APP: variants seen among roughly 807,000 people sequenced by gnomAD.
APP encodes the protein amyloid-beta precursor protein.
APP carries 31 observed loss-of-function variants against 101.4 expected under a neutral mutation model. The ratio of observed to expected loss-of-function variants is 0.31; its 90% CI spans 0.23 to 0.41. The LOEUF is 0.41. APP is among the 10% of genes least tolerant of loss of function. The probability of loss-of-function intolerance (pLI) is 1.00; values close to 1 mark genes in which losing one functional copy is unlikely to be tolerated. For missense variants in APP, 839 were observed against 1,003.7 expected (o/e 0.84, Z 2.22); for synonymous variants, 366 against 364.4 (o/e 1.00, Z -0.05).
intron 1 of APP, among the ~76,000 whole-genome samples, chr21:26,129,504 A>G (rs45628032): frequency 6.6e-6 from 1 of 152,226 alleles, no homozygotes; most frequent in Non-Finnish European, 1.5e-5. Flanking sequence ...TAGGTCTTTT[A>G]AACTATACAG....
chr21:26,001,513 CT>C (rs377616182), intron 6 of APP, among the ~76,000 whole-genome samples: 1 of 152,146 alleles, frequency 6.6e-6, no homozygotes, highest in Non-Finnish European at 1.5e-5. Context: ...TCAACAGATT[CT>C]TTTTTTCTTT....
intron 1 of APP, chr21:26,140,234 A>G (rs1401242449): frequency 6.5e-6 from 10 of 1,536,144 alleles, no homozygotes; most frequent in Non-Finnish European, 8.7e-6. Flanking sequence ...ATTGTCAATT[A>G]CATCAGCAAC....
rs1016983352 is a variant in APP, at chr21:25,916,872, G to C, written c.1688-4910C>G. On this transcript the variant is annotated intron_variant, in intron 13 of 17. Transcript: ENST00000346798. Reference sequence around the variant, plus strand: ...CAGTGGAAATATTTAACTGAGTTTAGTGGTGATAATATTTAAAATATGGCT... The same window carrying C: ...CAGTGGAAATATTTAACTGAGTTTACTGGTGATAATATTTAAAATATGGCT... Among the ~76,000 whole-genome samples the C allele has an allele frequency of 2.7e-4, 41 of 152,158 alleles. 1 individual carries two copies. The highest frequency in any genetic ancestry group is 4.4e-5 in the Non-Finnish European group (3 of 68,030).
At chr21:26,108,272 T>G (rs946485937) in intron 2 of APP, among the ~76,000 whole-genome samples, 1 of 152,262 alleles carries the variant, frequency 6.6e-6, no homozygotes, top group Non-Finnish European at 1.5e-5. Context: ...ATGATGTATT[T>G]AACAACATAT....
intron 6 of APP, among the ~76,000 whole-genome samples, chr21:26,004,679 T>C (rs1180476348): frequency 6.6e-6 from 1 of 152,184 alleles, no homozygotes; most frequent in Non-Finnish European, 1.5e-5. Flanking sequence ...ATACTTTAAG[T>C]TCTAGGGTAC....
intron 1 of APP, among the ~76,000 whole-genome samples, chr21:26,145,576 G>C (rs1306921865): frequency 6.6e-6 from 1 of 152,032 alleles, no homozygotes; most frequent in Non-Finnish European, 1.5e-5. Flanking sequence ...CCTGTCCATG[G>C]CTGGGTGTTG....
chr21:25,969,461 C>T (rs1312095985), intron 11 of APP, among the ~76,000 whole-genome samples: 1 of 151,538 alleles, frequency 6.6e-6, no homozygotes, highest in Admixed American at 6.6e-5. Context: ...AAATGAACAC[C>T]TAAAGATGGT....
chr21:26,092,806 C>A (rs1290533069), intron 2 of APP, among the ~76,000 whole-genome samples: 1 of 152,116 alleles, frequency 6.6e-6, no homozygotes, highest in Non-Finnish European at 1.5e-5. Flanking sequence ...AACCTCTGTA[C>A]CTTCCTCTCA....
chr21:26,151,971 T>C (rs1048874787), intron 1 of APP, among the ~76,000 whole-genome samples: 5 of 152,030 alleles, frequency 3.3e-5, no homozygotes, highest in East Asian at 1.9e-4. Context: ...AGGCTAGAAA[T>C]GCCAAATAAA....
chr21:25,963,681 G>A (rs556614478), intron 11 of APP, among the ~76,000 whole-genome samples: 24 of 152,264 alleles, frequency 1.6e-4, no homozygotes, highest in Non-Finnish European at 2.9e-4. Flanking sequence ...GAAAATTTCC[G>A]TGTGCAGGTT....
At chr21:26,040,705 G>A (rs564674662) in intron 5 of APP, among the ~76,000 whole-genome samples, 124 of 151,968 alleles carry the variant, frequency 8.2e-4, no homozygotes, top group Non-Finnish European at 1.3e-3. Context: ...AGGTTGCAGT[G>A]AGCTGAGATT....
At chr21:25,908,593 TTATTA>T (rs1184677688) in intron 14 of APP, among the ~76,000 whole-genome samples, 1 of 152,066 alleles carries the variant, frequency 6.6e-6, no homozygotes, top group Non-Finnish European at 1.5e-5. Context: ...ATTATATGGC[TTATTA>T]TATTCATTAT....
intron 13 of APP, among the ~76,000 whole-genome samples, chr21:25,924,438 A>G (rs2039790715): frequency 7.4e-6 from 1 of 134,308 alleles, no homozygotes; most frequent in Admixed American, 7.5e-5. Context: ...GGAAAAAAAA[A>G]AAGGTTGAGT....
chr21:26,105,826 G>A (rs1215119530), intron 2 of APP, among the ~76,000 whole-genome samples: 3 of 152,024 alleles, frequency 2.0e-5, no homozygotes, highest in East Asian at 1.9e-4. Flanking sequence ...CCCTCACCTC[G>A]CCCTGTCCAG....
At chr21:26,033,969 G>A (rs576408528) in intron 5 of APP, among the ~76,000 whole-genome samples, 13 of 152,258 alleles carry the variant, frequency 8.5e-5, no homozygotes, top group South Asian at 8.3e-4. Context: ...GTAAGACCCC[G>A]CTGGAGAGGC....
At position 26,161,947 on chromosome 21, in the gene APP, TAC is replaced by T. The variant is rs1359400178; in HGVS notation, c.57+8615_57+8616del. ...TTTGAAAGATAAAAAAATCAATAAA[TAC>T]AGTTAAGAAACAGTGCTTATCCATC... On this transcript the variant is annotated intron_variant, in intron 1 of 17. Transcript: ENST00000346798. Among the ~76,000 whole-genome samples, 7 of 152,238 alleles carry T rather than the reference TAC, an allele frequency of 4.6e-5. No homozygotes were observed. The East Asian group carries it at 1.2e-3, about 25-fold the overall frequency.
intron 1 of APP, among the ~76,000 whole-genome samples, chr21:26,129,821 A>G (rs2146268754): frequency 6.6e-6 from 1 of 152,356 alleles, no homozygotes; most frequent in South Asian, 2.1e-4. Flanking sequence ...TAAAAAATAC[A>G]AATTACTTCT....
intron 6 of APP, 22 bp downstream of exon 6, chr21:26,021,818 A>G: frequency 6.2e-7 from 1 of 1,611,056 alleles, no homozygotes; most frequent in Non-Finnish European, 8.5e-7. Context: ...GGTGGGGGGA[A>G]TCCAAGCAAA....
chr21:25,956,327 A>T (rs141346607), intron 11 of APP, among the ~76,000 whole-genome samples: 85 of 152,330 alleles, frequency 5.6e-4, no homozygotes, highest in African/African-American at 1.9e-3. Context: ...TCTGAAATTT[A>T]ATTAAGTTCT....
Sources: allele counts gnomAD v4.1 joint callset (sites outside exome capture counted in the v4.1 genomes callset), GRCh38; gene constraint gnomAD v4.1.1; transcripts MANE v1.5; gene names NCBI Gene and HGNC (gene_info 2026-07-23, HGNC 2026-07-21).